SLC1A2: variants seen among roughly 807,000 people sequenced by gnomAD.
SLC1A2 encodes the protein excitatory amino acid transporter 2.
In SLC1A2, 15 loss-of-function variants were observed where a neutral mutation model predicts 48.8. The observed-to-expected ratio is 0.31, with a 90% CI of 0.21 to 0.47. The LOEUF (loss-of-function observed/expected upper bound fraction) is 0.47. Ranked by LOEUF, SLC1A2 falls within the 20% of genes least tolerant of loss-of-function variation. The pLI, the probability that SLC1A2 is intolerant of heterozygous loss-of-function variation, is 0.99. For missense variants in SLC1A2, 502 were observed against 730.5 expected (o/e 0.69, Z 3.61); for synonymous variants, 279 against 272.6 (o/e 1.02, Z -0.23).
chr11:35,304,679 T>G (rs1204474999), intron 5 of SLC1A2, among the ~76,000 whole-genome samples: 2 of 152,170 alleles, frequency 1.3e-5, no homozygotes, highest in African/African-American at 4.8e-5. Context: ...TCAGTGACTG[T>G]GCAATTCTGC....
intron 1 of SLC1A2, among the ~76,000 whole-genome samples, chr11:35,411,023 T>C (rs1018135880): frequency 6.6e-6 from 1 of 152,214 alleles, no homozygotes; most frequent in Non-Finnish European, 1.5e-5. Flanking sequence ...GACTAATAGA[T>C]AATGAGTTCT....
chr11:35,286,539 C>G (rs530889587), intron 8 of SLC1A2: 24 of 394,270 alleles, frequency 6.1e-5, no homozygotes, highest in Middle Eastern at 1.3e-3. Context: ...ATTTCTAAAG[C>G]AAGTTGACAT....
intron 1 of SLC1A2, among the ~76,000 whole-genome samples, chr11:35,326,767 A>G (rs1852265464): frequency 6.6e-6 from 1 of 152,214 alleles, no homozygotes; most frequent in South Asian, 2.1e-4. Context: ...AGTTCCCTGG[A>G]GACCTTCAAA....
chr11:35,288,337 T>C (rs1036088878), intron 7 of SLC1A2, among the ~76,000 whole-genome samples: 24 of 152,216 alleles, frequency 1.6e-4, no homozygotes, highest in Non-Finnish European at 2.2e-4. Context: ...GAATTGTTTG[T>C]TGGGGGACAT....
rs191070392 is a variant in SLC1A2, at chr11:35,373,912, C to T, written c.17+45038G>A. Among the ~76,000 whole-genome samples, 366 of 152,304 alleles carry T rather than the reference C, an allele frequency of 2.4e-3. 3 individuals are homozygous for T. The highest frequency in any genetic ancestry group is 8.4e-3 in the African/African-American group (350 of 41,552). ...CTCCATGCAGATTACCTTATTTAAC[C>T]CTCACATGTAGTACCTAAGAACGTC... On this transcript the variant is annotated intron_variant, in intron 1 of 10. Transcript: ENST00000278379.
intron 1 of SLC1A2, among the ~76,000 whole-genome samples, chr11:35,355,557 T>C (rs2135104165): frequency 6.6e-6 from 1 of 152,274 alleles, no homozygotes; most frequent in South Asian, 2.1e-4. Context: ...GCACCAGCTG[T>C]AGAGGGAGTG....
chr11:35,321,777 C>A (rs1430840132), intron 1 of SLC1A2, among the ~76,000 whole-genome samples: 1 of 152,102 alleles, frequency 6.6e-6, no homozygotes, highest in Admixed American at 6.5e-5. Flanking sequence ...GGAAGTCCAC[C>A]GGATACACAG....
chr11:35,262,699 G>C (rs921846637), intron 10 of SLC1A2, among the ~76,000 whole-genome samples: 5 of 152,234 alleles, frequency 3.3e-5, no homozygotes, highest in African/African-American at 1.2e-4. Context: ...CTGATTTAGA[G>C]TGAGAAGAAT....
In SLC1A2 at chr11:35,267,764, G is replaced by A. The variant is rs547022163; in HGVS notation, c.1422-2006C>T. Among the ~76,000 whole-genome samples the A allele has an allele frequency of 3.0e-5, 4 of 133,092 alleles. No homozygotes were observed. The East Asian group carries it at 9.1e-4, about 30-fold the overall frequency. 87.3% of individuals were successfully genotyped at this position (133,092 alleles called of 152,430 possible). ...AAATCTCCAGCCCCCAATTTACTAT[G>A]TCAAATGGGGAAAAAAAAAAAAGCT... On this transcript the variant is annotated intron_variant, in intron 9 of 10. Transcript: ENST00000278379.
chr11:35,362,153 A>C (rs1005932892), intron 1 of SLC1A2, among the ~76,000 whole-genome samples: 7 of 152,210 alleles, frequency 4.6e-5, no homozygotes, highest in Non-Finnish European at 1.0e-4. Context: ...CATCTACCCC[A>C]GACAGCAGAT....
chr11:35,308,875 C>CTA (rs1851595687), intron 4 of SLC1A2, among the ~76,000 whole-genome samples: 2 of 152,184 alleles, frequency 1.3e-5, no homozygotes, highest in African/African-American at 4.8e-5. Flanking sequence ...TGCATACAGT[C>CTA]TATAGGTAAG....
intron 9 of SLC1A2, among the ~76,000 whole-genome samples, chr11:35,273,069 G>C (rs1465756246): frequency 6.6e-6 from 1 of 152,180 alleles, no homozygotes; most frequent in East Asian, 1.9e-4. Flanking sequence ...TCTTGCATTG[G>C]ATTGAACCAT....
chr11:35,310,253 G>T (rs778656608), intron 4 of SLC1A2, among the ~76,000 whole-genome samples: 13 of 152,114 alleles, frequency 8.5e-5, no homozygotes, highest in Non-Finnish European at 1.9e-4. Context: ...TCTACTACCA[G>T]CTCAGCCTCC....
At chr11:35,416,684 G>T (rs1379959260) in intron 1 of SLC1A2, among the ~76,000 whole-genome samples, 1 of 152,164 alleles carries the variant, frequency 6.6e-6, no homozygotes, top group East Asian at 1.9e-4. Flanking sequence ...TAACTATATT[G>T]CTATTTTTGC....
At chr11:35,340,029 C>G (rs970244942) in intron 1 of SLC1A2, among the ~76,000 whole-genome samples, 2 of 152,176 alleles carry the variant, frequency 1.3e-5, no homozygotes, top group Non-Finnish European at 2.9e-5. Flanking sequence ...GACCAAAACC[C>G]CATTTCCTCA....
At chr11:35,350,399 A>G (rs551372785) in intron 1 of SLC1A2, among the ~76,000 whole-genome samples, 29 of 152,374 alleles carry the variant, frequency 1.9e-4, no homozygotes, top group African/African-American at 7.0e-4. Flanking sequence ...GCATTGTCAC[A>G]GAGTTTGCCT....
intron 1 of SLC1A2, among the ~76,000 whole-genome samples, chr11:35,323,808 G>A (rs1336455749): frequency 1.3e-5 from 2 of 152,204 alleles, no homozygotes; most frequent in East Asian, 1.9e-4. Context: ...TGTTACGGAA[G>A]CATGTTTTTC....
intron 4 of SLC1A2, chr11:35,307,280 T>A (rs962823269): frequency 6.6e-6 from 1 of 152,246 alleles, no homozygotes; most frequent in South Asian, 2.1e-4. Flanking sequence ...GCAGCCACCA[T>A]GGCAGGAGCA....
chr11:35,334,311 C>A (rs1852539072), intron 1 of SLC1A2, among the ~76,000 whole-genome samples: 1 of 152,162 alleles, frequency 6.6e-6, no homozygotes, highest in Non-Finnish European at 1.5e-5. Context: ...AAGTTAGCAG[C>A]CCCTGTCCCT....
Sources: gnomAD v4.1 joint callset for allele counts (sites outside exome capture counted in the v4.1 genomes callset) on GRCh38, gnomAD v4.1.1 for gene constraint, MANE v1.5 for transcripts, NCBI Gene and HGNC (gene_info 2026-07-23, HGNC 2026-07-21) for gene names.